Variants in PLTP observed in about 807,000 individuals in gnomAD.
PLTP encodes phospholipid transfer protein.
A neutral mutation model predicts 54.1 loss-of-function variants in PLTP; 43 were observed. That is an observed-to-expected ratio of 0.79 (90% CI 0.62 to 1.02). The LOEUF (loss-of-function observed/expected upper bound fraction) is 1.02. Among genes scored for constraint, PLTP ranks in the 50% least tolerant of loss-of-function variants. PLTP has a pLI of 0.00. For missense variants in PLTP, 604 were observed against 645.9 expected (o/e 0.94, Z 0.70); for synonymous variants, 263 against 264.6 (o/e 0.99, Z 0.06).
At position 45,909,537 on chromosome 20, in the gene PLTP, G is replaced by A. The variant is rs750514361; in HGVS notation, c.464C>T (p.Ala155Val). 2.4e-5 allele frequency: 39 copies of A among 1,614,068 alleles called. No individual in the cohort carries two copies. The highest frequency in any genetic ancestry group is 4.0e-5 in the African/African-American group (3 of 74,936). The change falls in exon 5 of 16, where the codon GCG becomes GTG. Residue 155 changes from alanine (A) to valine (V), a missense_variant. Physicochemically the swap from Ala to Val is moderately conservative, Grantham distance 64. Transcript: ENST00000372431. ...SCQASVSRMH[A>V]AFGGTFKKVY... ...TTACTTGAAGGTTCCCCCGAAGGCC[G>A]CGTGCATTCTGGAGACAGAGGCCTG...
chr20:45,909,711 A>G (rs761718031), intron 4 of PLTP, 40 bp from the exon 5 acceptor site: 14 of 1,610,948 alleles, frequency 8.7e-6, no homozygotes, highest in South Asian at 2.2e-5. Flanking sequence ...TAGGAGCTCA[A>G]TTGAGTCTTC....
chr20:45,899,807 G>GGGCCCGGGGCCC, intron 13 of PLTP, 29 bp downstream of exon 13: 1 of 1,369,464 alleles, frequency 7.3e-7, no homozygotes, highest in Non-Finnish European at 1.0e-6. Flanking sequence ...CACGAACCCA[G>GGGCCCGGGGCCC]CCCAGCCCAC....
At chr20:45,907,999 G>C in intron 5 of PLTP, 95 bp from the exon 6 acceptor site, 4 of 1,096,284 alleles carry the variant, frequency 3.6e-6, no homozygotes, top group Non-Finnish European at 5.4e-6. Flanking sequence ...AGTGGCAGTA[G>C]GAGTCCTCAG....
chr20:45,902,152 A>T, intron 12 of PLTP, 115 bp downstream of exon 12: 1 of 1,129,174 alleles, frequency 8.9e-7, no homozygotes, highest in Non-Finnish European at 1.3e-6. Flanking sequence ...ATTAACAAAG[A>T]CAGACCCCAG....
In PLTP at chr20:45,905,002, G is replaced by C. The variant is rs542300038; in HGVS notation, c.822C>G (p.Asp274Glu). Residue 274 changes from aspartate (D) to glutamate (E), a missense_variant, in exon 9 of 16, where the codon GAC becomes GAG. Physicochemically the swap from Asp to Glu is conservative, Grantham distance 45. Transcript: ENST00000372431. ...VYVAFSEFFFDSAMESYFRAG... is the reference protein window; with the variant it reads ...VYVAFSEFFFESAMESYFRAG... ...CCCGGAAGTAGCTCTCCATGGCAGAGTCGAAGAAGAACTCAGAGAAGGCCA... is the reference window on the plus strand; with the variant it reads ...CCCGGAAGTAGCTCTCCATGGCAGACTCGAAGAAGAACTCAGAGAAGGCCA... 102 of 1,614,092 alleles carry C rather than the reference G, an allele frequency of 6.3e-5. 1 individual carries two copies. In the Admixed American group the frequency reaches 1.2e-3, roughly 19 times the overall value.
chr20:45,909,184 C>T (rs1340912618), intron 5 of PLTP, among the ~76,000 whole-genome samples: 2 of 152,010 alleles, frequency 1.3e-5, no homozygotes, highest in South Asian at 2.1e-4. Flanking sequence ...AGGATGATCT[C>T]GATCTGTTAA....
At position 45,906,386 on chromosome 20, in the gene PLTP, C is replaced by T. The variant is rs756831161; in HGVS notation, c.614-27G>A. The T allele has an allele frequency of 2.7e-5, 43 of 1,576,136 alleles. No homozygotes were observed. In the Admixed American group the frequency reaches 4.1e-4, roughly 15 times the overall value. On this transcript the variant is annotated intron_variant, in intron 7 of 15. Coordinates refer to ENST00000372431, the MANE Select transcript of PLTP (RefSeq NM_006227.4). ...TGCAGGAAGGGGCTCAAGTCACTCACGGCTGTGTGATGTGGGATAAGGTGC... is the reference window on the plus strand; with the variant it reads ...TGCAGGAAGGGGCTCAAGTCACTCATGGCTGTGTGATGTGGGATAAGGTGC...
chr20:45,901,649 C>A (rs780528558), intron 12 of PLTP, among the ~76,000 whole-genome samples: 4 of 151,964 alleles, frequency 2.6e-5, no homozygotes, highest in Non-Finnish European at 5.9e-5. Flanking sequence ...TACCTATAAT[C>A]CCAGCACTTT....
chr20:45,899,777 G>A, intron 13 of PLTP, 59 bp downstream of exon 13: 2 of 1,585,124 alleles, frequency 1.3e-6, no homozygotes, highest in Middle Eastern at 1.7e-4. Flanking sequence ...AGGAGGGGGG[G>A]ATGGTGAGGG....
chr20:45,910,903 C>A (rs943441354), intron 3 of PLTP: 2 of 1,397,502 alleles, frequency 1.4e-6, no homozygotes, highest in Non-Finnish European at 1.9e-6. Context: ...GCCTCACATC[C>A]ACTGGTCCTG....
Position 45,902,488 on chromosome 20 carries a change from G to A in PLTP, c.1059C>T (p.Ala353=). ...CCTCAGGCTGGTCTGGTGGGACCAGGGCAATGGTGACGCTAGCAGTGACAG... is the reference window on the plus strand; with the variant it reads ...CCTCAGGCTGGTCTGGTGGGACCAGAGCAATGGTGACGCTAGCAGTGACAG... The part of the protein sequence containing the change: ...TISVTASVTI[A]LVPPDQPEVQ... The change falls in exon 11 of 16, where the codon GCC becomes GCT. Residue 353 remains alanine, a synonymous_variant. Coordinates refer to ENST00000372431, the MANE Select transcript of PLTP (RefSeq NM_006227.4). 5 of 1,614,210 alleles carry A rather than the reference G, an allele frequency of 3.1e-6. No individual in the cohort carries two copies. Among genetic ancestry groups the A allele is most frequent in the Non-Finnish European group, 4.2e-6 (5 of 1,180,010 alleles).
At chr20:45,900,505 A>G (rs1258493429) in intron 12 of PLTP, among the ~76,000 whole-genome samples, 1 of 151,742 alleles carries the variant, frequency 6.6e-6, no homozygotes, top group African/African-American at 2.4e-5. Context: ...CCTGTCAGAC[A>G]CTAAGCATAT....
At chr20:45,908,002 GTCC>G in intron 5 of PLTP, 98 bp from the exon 6 acceptor site, 2 of 1,071,672 alleles carry the variant, frequency 1.9e-6, no homozygotes, top group Non-Finnish European at 2.8e-6. Flanking sequence ...GGCAGTAGGA[GTCC>G]TCAGCTTCAG....
chr20:45,910,111 G>A (rs2083276780), intron 3 of PLTP, 41 bp from the exon 4 acceptor site: 1 of 1,611,170 alleles, frequency 6.2e-7, no homozygotes, highest in Admixed American at 1.7e-5. Flanking sequence ...CCAAGAAGAG[G>A]GAACTTCCCC....
At chr20:45,909,424 T>A in intron 5 of PLTP, 92 bp downstream of exon 5, 2 of 1,420,504 alleles carry the variant, frequency 1.4e-6, no homozygotes, top group South Asian at 2.3e-5. Flanking sequence ...ACCCAGTTGG[T>A]CTGATTCCCA....
intron 15 of PLTP, 70 bp from the exon 16 acceptor site, chr20:45,899,133 C>CA: frequency 6.3e-7 from 1 of 1,599,760 alleles, no homozygotes; most frequent in Non-Finnish European, 8.6e-7. Flanking sequence ...GATCAAGAGA[C>CA]AGAGTGTTTG....
rs549468762 is a variant in PLTP, at chr20:45,909,199, G to A, written c.485+317C>T. ...AGGATGATCTCGATCTGTTAACCTT[G>A]TGATCCGCCCGCCCAGACCTCCCAA... On this transcript the variant is annotated intron_variant, in intron 5 of 15. Coordinates refer to ENST00000372431, the MANE Select transcript of PLTP (RefSeq NM_006227.4). Among the ~76,000 whole-genome samples the A allele has an allele frequency of 4.6e-5, 7 of 152,238 alleles. No individual in the cohort carries two copies. In the East Asian group the frequency reaches 1.2e-3, roughly 25 times the overall value.
chr20:45,911,509 C>T (rs757464351), intron 1 of PLTP, 46 bp from the exon 2 acceptor site: 2 of 1,597,858 alleles, frequency 1.3e-6, no homozygotes, highest in South Asian at 2.2e-5. Flanking sequence ...CCGCTTAAAC[C>T]CATTCCTTGG....
At position 45,898,874 on chromosome 20, in the gene PLTP, G is replaced by A; in HGVS notation, c.*67C>T. 1.3e-6 allele frequency: 2 copies of A among 1,580,454 alleles called. No homozygotes were observed. The highest frequency in any genetic ancestry group is 1.7e-6 in the Non-Finnish European group (2 of 1,158,712). ...AGAGGGGGCACTACAGGCTATGAAT[G>A]TGGGAAAAGAGGGGCTGAGAGGGGT... On this transcript the variant is annotated 3_prime_UTR_variant, in exon 16 of 16. Coordinates refer to ENST00000372431, the MANE Select transcript of PLTP (RefSeq NM_006227.4). The surrounding 1 kb of genome is among the most constrained non-coding windows in gnomAD (Gnocchi z 4.6).
Sources: allele counts gnomAD v4.1 joint callset (sites outside exome capture counted in the v4.1 genomes callset), GRCh38; gene constraint gnomAD v4.1.1; non-coding constraint Gnocchi (gnomAD v3.1); transcripts MANE v1.5; gene names NCBI Gene and HGNC (gene_info 2026-07-23, HGNC 2026-07-21).